The following ERBB4 variants were observed in gnomAD, a reference collection of about 807,000 sequenced individuals.
ERBB4 encodes erb-b2 receptor tyrosine kinase 4.
A neutral mutation model predicts 158.0 loss-of-function variants in ERBB4; 42 were observed. The ratio of observed to expected loss-of-function variants is 0.27; its 90% CI spans 0.21 to 0.34. The LOEUF is 0.34. Among genes scored for constraint, ERBB4 ranks in the 10% least tolerant of loss-of-function variants. The probability of loss-of-function intolerance (pLI) is 1.00; values close to 1 mark genes in which losing one functional copy is unlikely to be tolerated. For missense variants in ERBB4, 1,333 were observed against 1,624.1 expected (o/e 0.82, Z 3.08); for synonymous variants, 583 against 558.7 (o/e 1.04, Z -0.61).
chr2:212,359,067 A>G (rs2089579725), intron 1 of ERBB4, among the ~76,000 whole-genome samples: 1 of 151,760 alleles, frequency 6.6e-6, no homozygotes, highest in Non-Finnish European at 1.5e-5. Flanking sequence ...AAATAAACCA[A>G]TGCAACATCA....
At chr2:212,140,558 A>G (rs912392372) in intron 1 of ERBB4, among the ~76,000 whole-genome samples, 13 of 150,540 alleles carry the variant, frequency 8.6e-5, no homozygotes, top group Non-Finnish European at 1.3e-4. Context: ...GTAAACAGAC[A>G]AACATTCTAT....
intron 2 of ERBB4, among the ~76,000 whole-genome samples, chr2:211,968,509 A>G (rs138395339): frequency 0.01 from 1,589 of 152,192 alleles, 14 homozygotes; most frequent in Middle Eastern, 0.024. Flanking sequence ...ATTGTCTCAG[A>G]CTACTTCACC....
intron 12 of ERBB4, among the ~76,000 whole-genome samples, chr2:211,684,443 C>T (rs1400192163): frequency 6.6e-6 from 1 of 151,590 alleles, no homozygotes; most frequent in Admixed American, 6.6e-5. Flanking sequence ...AAGAGTGAAA[C>T]TCAATCTCAA....
At chr2:211,739,763 C>T (rs1327252197) in intron 5 of ERBB4, among the ~76,000 whole-genome samples, 1 of 152,188 alleles carries the variant, frequency 6.6e-6, no homozygotes, top group Non-Finnish European at 1.5e-5. Context: ...GCCACTGCGC[C>T]CAGCCTCATC....
At chr2:212,278,929 A>C (rs1196886920) in intron 1 of ERBB4, among the ~76,000 whole-genome samples, 1 of 151,636 alleles carries the variant, frequency 6.6e-6, no homozygotes, top group Non-Finnish European at 1.5e-5. Context: ...GGTAAAGTAT[A>C]TAATGGTACT....
intron 1 of ERBB4, among the ~76,000 whole-genome samples, chr2:212,525,349 A>T (rs1692392658): frequency 6.6e-6 from 1 of 152,050 alleles, no homozygotes; most frequent in South Asian, 2.1e-4. Flanking sequence ...TGAAAACCTT[A>T]ATCAACAGAG....
At chr2:211,614,766 T>C (rs2069322735) in intron 19 of ERBB4, among the ~76,000 whole-genome samples, 2 of 152,160 alleles carry the variant, frequency 1.3e-5, no homozygotes, top group Admixed American at 6.6e-5. Context: ...GTAATATCAA[T>C]TAGATTTAAA....
chr2:212,259,886 A>G (rs916600846), intron 1 of ERBB4, among the ~76,000 whole-genome samples: 2 of 152,090 alleles, frequency 1.3e-5, no homozygotes, highest in African/African-American at 2.4e-5. Flanking sequence ...CCTGGCTAAC[A>G]TGGTAAAACC....
At position 212,518,923 on chromosome 2, in the gene ERBB4, T is replaced by C. The variant is rs562380063; in HGVS notation, c.82+19526A>G. On this transcript the variant is annotated intron_variant, in intron 1 of 27. Coordinates refer to ENST00000342788, the MANE Select transcript of ERBB4 (RefSeq NM_005235.3). The stretch of plus-strand genomic sequence containing the variant: ...GGCAATAATCCTAGAGAAGATTTTT[T>C]TCACAGTCCTGAGACTACTCCAAAT... 2.6e-5 allele frequency among the ~76,000 whole-genome samples: 4 copies of C among 152,040 alleles called. No individual in the cohort carries two copies. In the South Asian group the frequency reaches 8.3e-4, roughly 32 times the overall value.
At position 211,752,005 on chromosome 2, in the gene ERBB4, G is replaced by T. The variant is rs535155789; in HGVS notation, c.557-1301C>A. On this transcript the variant is annotated intron_variant, in intron 4 of 27. Transcript: ENST00000342788. ...AAAGCAATTCTATTTGTGAAGTATT[G>T]CCGCTGACATCACCAGTGTATAATA... Among the ~76,000 whole-genome samples, 14 of 152,246 alleles carry T rather than the reference G, an allele frequency of 9.2e-5. No homozygotes were observed. The South Asian group carries it at 2.9e-3, about 32-fold the overall frequency.
chr2:211,671,479 A>G (rs2071836649), intron 14 of ERBB4, among the ~76,000 whole-genome samples: 1 of 152,196 alleles, frequency 6.6e-6, no homozygotes, highest in African/African-American at 2.4e-5. Context: ...TAAGATATTT[A>G]TAGGAAATAT....
intron 3 of ERBB4, among the ~76,000 whole-genome samples, chr2:211,917,545 T>C (rs1226663213): frequency 1.3e-5 from 2 of 152,142 alleles, no homozygotes; most frequent in Non-Finnish European, 2.9e-5. Flanking sequence ...AAAACTGGGA[T>C]TTGAACCCAA....
chr2:212,180,142 G>A (rs1011733927), intron 1 of ERBB4, among the ~76,000 whole-genome samples: 16 of 151,700 alleles, frequency 1.1e-4, no homozygotes, highest in Admixed American at 4.6e-4. Context: ...TTTCCATTAG[G>A]TACCAAAATG....
chr2:211,940,146 G>T (rs1314872147), intron 3 of ERBB4, among the ~76,000 whole-genome samples: 1 of 151,996 alleles, frequency 6.6e-6, no homozygotes, highest in Non-Finnish European at 1.5e-5. Flanking sequence ...GGGAATGGAT[G>T]CAGAGAATTT....
intron 4 of ERBB4, among the ~76,000 whole-genome samples, chr2:211,751,638 T>A (rs1478714980): frequency 1.3e-5 from 2 of 152,218 alleles, no homozygotes; most frequent in Non-Finnish European, 2.9e-5. Context: ...CCATTTAAAG[T>A]GTTTAACAAC....
chr2:211,674,682 AG>A (rs534173171), intron 13 of ERBB4, among the ~76,000 whole-genome samples: 45 of 152,204 alleles, frequency 3.0e-4, no homozygotes, highest in Non-Finnish European at 5.3e-4. Context: ...GGAAACCTTC[AG>A]AATATAAAAG....
At chr2:211,741,125 A>C (rs899316891) in intron 5 of ERBB4, among the ~76,000 whole-genome samples, 8 of 152,146 alleles carry the variant, frequency 5.3e-5, no homozygotes, top group African/African-American at 1.7e-4. Context: ...CCTATTCATC[A>C]GAAGCATGTC....
intron 1 of ERBB4, among the ~76,000 whole-genome samples, chr2:212,477,771 G>C (rs1407803663): frequency 6.6e-6 from 1 of 152,068 alleles, no homozygotes; most frequent in Non-Finnish European, 1.5e-5. Context: ...GTGAGGACTA[G>C]GCTAATTAGG....
intron 2 of ERBB4, among the ~76,000 whole-genome samples, chr2:211,963,915 T>C (rs1255876326): frequency 6.6e-6 from 1 of 152,174 alleles, no homozygotes; most frequent in Non-Finnish European, 1.5e-5. Context: ...CAAACTATTT[T>C]AAACATAAAA....
Sources: allele counts gnomAD v4.1 joint callset (sites outside exome capture counted in the v4.1 genomes callset), GRCh38; gene constraint gnomAD v4.1.1; transcripts MANE v1.5; gene names NCBI Gene and HGNC (gene_info 2026-07-23, HGNC 2026-07-21).